Variants in TMPRSS15 observed in about 807,000 individuals in gnomAD.
TMPRSS15 encodes enteropeptidase.
Under a neutral mutation model 125.3 loss-of-function variants are expected in TMPRSS15, and 128 were observed. The observed-to-expected ratio is 1.02, with a 90% CI of 0.89 to 1.18. TMPRSS15 has a LOEUF of 1.18. Among genes scored for constraint, TMPRSS15 ranks in the 50% most tolerant of loss-of-function variants. The pLI is 0.00. For synonymous variants in TMPRSS15, 446 were observed against 423.2 expected (o/e 1.05, Z -0.66); for missense variants, 1,283 against 1,212.7 (o/e 1.06, Z -0.86).
At chr21:18,334,404 T>C (rs2146972560) in intron 13 of TMPRSS15, among the ~76,000 whole-genome samples, 1 of 152,322 alleles carries the variant, frequency 6.6e-6, no homozygotes, top group Admixed American at 6.5e-5. Flanking sequence ...AGTGCTTCCA[T>C]GCATGTTATC....
intron 21 of TMPRSS15, among the ~76,000 whole-genome samples, chr21:18,290,444 AAAG>A (rs1352532577): frequency 6.6e-6 from 1 of 152,152 alleles, no homozygotes; most frequent in Non-Finnish European, 1.5e-5. Flanking sequence ...ACAGAAAATA[AAAG>A]AAGTTCTCAA....
At chr21:18,278,510 G>C (rs1223093423) in intron 23 of TMPRSS15, among the ~76,000 whole-genome samples, 2 of 152,064 alleles carry the variant, frequency 1.3e-5, no homozygotes, top group African/African-American at 4.8e-5. Flanking sequence ...ACGAGGTCAG[G>C]AGATCGAGAC....
At chr21:18,484,412 C>A (rs954662053) in intron 1 of TMPRSS15, among the ~76,000 whole-genome samples, 1 of 151,720 alleles carries the variant, frequency 6.6e-6, no homozygotes, top group Non-Finnish European at 1.5e-5. Flanking sequence ...TGTTTAGTAG[C>A]ATAATTGTAG....
chr21:18,341,219 G>A (rs529414218), intron 13 of TMPRSS15, among the ~76,000 whole-genome samples, 194 bp downstream of exon 13: 1 of 152,130 alleles, frequency 6.6e-6, no homozygotes, highest in South Asian at 2.1e-4. Flanking sequence ...GCACCACTGT[G>A]CCCAGCTAAT....
At chr21:18,394,533 GTC>G (rs199599399) in intron 3 of TMPRSS15, among the ~76,000 whole-genome samples, 3,009 of 146,408 alleles carry the variant, frequency 0.021, 42 homozygotes, top group Non-Finnish European at 0.03. Flanking sequence ...CTCTCTCTCT[GTC>G]TCTCTCTCTC....
chr21:18,446,238 C>A (rs913389260), intron 1 of TMPRSS15, among the ~76,000 whole-genome samples: 1 of 152,034 alleles, frequency 6.6e-6, no homozygotes, highest in Non-Finnish European at 1.5e-5. Flanking sequence ...ACCTAGGAAT[C>A]AATTTAACCA....
intron 6 of TMPRSS15, among the ~76,000 whole-genome samples, chr21:18,368,735 G>A (rs182536244): frequency 1.3e-5 from 2 of 152,264 alleles, no homozygotes; most frequent in Admixed American, 1.3e-4. Flanking sequence ...TACTCCACAG[G>A]TCAAATTCTG....
At chr21:18,427,530 T>C (rs542539546) in intron 1 of TMPRSS15, among the ~76,000 whole-genome samples, 1 of 152,332 alleles carries the variant, frequency 6.6e-6, no homozygotes, top group East Asian at 1.9e-4. Flanking sequence ...CCACAGTTAA[T>C]AGGGGACTTT....
At chr21:18,300,552 C>T (rs750365656) in intron 18 of TMPRSS15, among the ~76,000 whole-genome samples, 1 of 151,512 alleles carries the variant, frequency 6.6e-6, no homozygotes, top group Non-Finnish European at 1.5e-5. Flanking sequence ...ACTATGTTGG[C>T]CAGGCTAGTC....
chr21:18,276,420 A>T (rs1182791531), intron 23 of TMPRSS15, among the ~76,000 whole-genome samples: 1 of 152,234 alleles, frequency 6.6e-6, no homozygotes, highest in Non-Finnish European at 1.5e-5. Flanking sequence ...TTCAAGTTTG[A>T]CAATGGACTA....
chr21:18,445,294 C>A (rs1205343814), intron 1 of TMPRSS15, among the ~76,000 whole-genome samples: 1 of 151,444 alleles, frequency 6.6e-6, no homozygotes, highest in Non-Finnish European at 1.5e-5. Flanking sequence ...GATTACCCTG[C>A]CTCAGCCTCC....
intron 21 of TMPRSS15, among the ~76,000 whole-genome samples, chr21:18,284,774 G>A (rs1333097777): frequency 6.6e-6 from 1 of 152,116 alleles, no homozygotes; most frequent in Admixed American, 6.5e-5. Context: ...GCCGAGGCAG[G>A]TGGATCACCT....
intron 7 of TMPRSS15, among the ~76,000 whole-genome samples, chr21:18,364,119 G>C (rs959976385): frequency 6.6e-6 from 1 of 152,020 alleles, no homozygotes; most frequent in Non-Finnish European, 1.5e-5. Context: ...CTGAGGCTCT[G>C]ACTTTTAACT....
rs145686228 is a variant in TMPRSS15 at position 18,370,775 on chromosome 21, A to C, written c.664+1418T>G. Among the ~76,000 whole-genome samples, 741 of 152,094 alleles carry C rather than the reference A, an allele frequency of 4.9e-3. 1 individual carries two copies. Among genetic ancestry groups the C allele is most frequent in the South Asian group, 0.013 (64 of 4,826 alleles). ...TAGAGTTGCCTTTCATTGAGTTGGT[A>C]CCGGGAAACAGACCAAATGCCTGGC... On this transcript the variant is annotated intron_variant, in intron 6 of 24. Coordinates refer to ENST00000284885, the MANE Select transcript of TMPRSS15 (RefSeq NM_002772.3).
At chr21:18,353,227 C>A (rs896948716) in intron 9 of TMPRSS15, among the ~76,000 whole-genome samples, 175 bp from the exon 10 acceptor site, 3 of 151,364 alleles carry the variant, frequency 2.0e-5, no homozygotes, top group African/African-American at 7.3e-5. Flanking sequence ...TTTTTTAAAG[C>A]AGCTTTTTGT....
chr21:18,472,021 G>T (rs1364257946), intron 1 of TMPRSS15, among the ~76,000 whole-genome samples: 1 of 152,052 alleles, frequency 6.6e-6, no homozygotes, highest in East Asian at 1.9e-4. Flanking sequence ...AAATCATAGG[G>T]AGAGACAGAA....
intron 3 of TMPRSS15, among the ~76,000 whole-genome samples, chr21:18,396,773 C>CAAA (rs766409350): frequency 0.029 from 1,287 of 44,700 alleles, 5 homozygotes; most frequent in East Asian, 0.079. Flanking sequence ...GACTCTGTCT[C>CAAA]AAAAAAAAAA....
Position 18,315,146 on chromosome 21 carries a change from C to T in TMPRSS15, c.2032G>A (p.Val678Met), listed in dbSNP as rs755808165. 6.8e-6 allele frequency: 11 copies of T among 1,611,232 alleles called. No homozygotes were observed. The highest frequency in any genetic ancestry group is 8.5e-6 in the Non-Finnish European group (10 of 1,178,114). ...GTATTTTCCTAAAAATAAGACATAC[C>T]ACAATCTGCTTCATCTGAGCCATCC... ...CEDGSDEADC[V>M]RFFNGTTNNN... Residue 678 changes from valine (V) to methionine (M), a missense_variant and splice_region_variant, in exon 17 of 25, where the codon GTG becomes ATG. Val to Met is a conservative substitution (Grantham distance 21). Coordinates refer to ENST00000284885, the MANE Select transcript of TMPRSS15 (RefSeq NM_002772.3).
At chr21:18,326,598 C>A in intron 15 of TMPRSS15, 26 bp from the exon 16 acceptor site, 1 of 1,613,820 alleles carries the variant, frequency 6.2e-7, no homozygotes, top group South Asian at 1.1e-5. Flanking sequence ...ACGAGATAAT[C>A]AGTGAGATGA....
Sources: gnomAD v4.1 joint callset for allele counts (sites outside exome capture counted in the v4.1 genomes callset) on GRCh38, gnomAD v4.1.1 for gene constraint, MANE v1.5 for transcripts, NCBI Gene and HGNC (gene_info 2026-07-23, HGNC 2026-07-21) for gene names.